RARB: variants seen among roughly 807,000 people sequenced by gnomAD.
The protein encoded by RARB is HBV-activated protein.
RARB carries 17 observed loss-of-function variants against 51.9 expected under a neutral mutation model. The ratio of observed to expected loss-of-function variants is 0.33; its 90% CI spans 0.22 to 0.49. RARB has a LOEUF of 0.49. Among genes scored for constraint, RARB ranks in the 20% least tolerant of loss-of-function variants. The probability of loss-of-function intolerance (pLI) is 0.99; values close to 1 mark genes in which losing one functional copy is unlikely to be tolerated. For missense variants in RARB, 369 were observed against 550.8 expected, an observed-to-expected ratio of 0.67 and a Z score of 3.30; for synonymous variants, 215 against 195.4, an observed-to-expected ratio of 1.10 and a Z score of -0.84.
At chr3:25,589,545 GA>G (rs1701532448) in intron 5 of RARB, among the ~76,000 whole-genome samples, 1 of 152,232 alleles carries the variant, frequency 6.6e-6, no homozygotes, top group African/African-American at 2.4e-5. Context: ...TAAGAGAGGT[GA>G]TGGCAGCTTG....
At chr3:25,571,805 T>G (rs767567469) in intron 4 of RARB, among the ~76,000 whole-genome samples, 13 of 152,138 alleles carry the variant, frequency 8.5e-5, no homozygotes, top group Non-Finnish European at 1.8e-4. Flanking sequence ...AATGAGACAA[T>G]TTATGAAAAG....
At chr3:24,909,538 T>G (rs917050768) in intron 2 of RARB, among the ~76,000 whole-genome samples, 134 of 152,022 alleles carry the variant, frequency 8.8e-4, no homozygotes, top group African/African-American at 3.2e-3. Context: ...ATCTTGGAAG[T>G]ACTTATTATT....
chr3:25,130,904 T>TATTGATAATATTATCAATATTTATC (rs1559477463), intron 3 of RARB, among the ~76,000 whole-genome samples: 1 of 38,390 alleles, frequency 2.6e-5, no homozygotes, highest in African/African-American at 1.2e-4. Flanking sequence ...ATATCAATAT[T>TATTGATAATATTATCAATATTTATC]ATTGATAATA....
chr3:25,239,487 G>A (rs1266233027), intron 5 of RARB, among the ~76,000 whole-genome samples: 1 of 152,092 alleles, frequency 6.6e-6, no homozygotes, highest in Non-Finnish European at 1.5e-5. Context: ...AATTTGATGA[G>A]AGATAGGAGT....
chr3:25,018,766 A>C (rs547527132), intron 2 of RARB, among the ~76,000 whole-genome samples: 9 of 152,308 alleles, frequency 5.9e-5, no homozygotes, highest in African/African-American at 1.7e-4. Context: ...GTTTGCTCAT[A>C]GGTAAAATTG....
chr3:24,899,973 G>A (rs891785009), intron 2 of RARB, among the ~76,000 whole-genome samples: 3 of 151,432 alleles, frequency 2.0e-5, no homozygotes, highest in Non-Finnish European at 4.4e-5. Context: ...CATTTATATT[G>A]CAAGACATTT....
At chr3:24,934,521 A>T (rs1489646132) in intron 2 of RARB, among the ~76,000 whole-genome samples, 1 of 152,142 alleles carries the variant, frequency 6.6e-6, no homozygotes, top group Non-Finnish European at 1.5e-5. Context: ...TATAAATTAT[A>T]TAAGAATAAG....
chr3:25,065,779 A>C (rs1575143655), intron 3 of RARB, among the ~76,000 whole-genome samples: 1 of 152,190 alleles, frequency 6.6e-6, no homozygotes, highest in Non-Finnish European at 1.5e-5. Context: ...AATGATGTCA[A>C]AGGGCTCACG....
chr3:25,357,273 G>A (rs1470319826), intron 5 of RARB, among the ~76,000 whole-genome samples: 1 of 152,214 alleles, frequency 6.6e-6, no homozygotes, highest in African/African-American at 2.4e-5. Context: ...CAGTGATAAT[G>A]AGCTTTCTTT....
intron 3 of RARB, among the ~76,000 whole-genome samples, chr3:25,506,840 G>T (rs1697630273): frequency 6.6e-6 from 1 of 152,198 alleles, no homozygotes; most frequent in Non-Finnish European, 1.5e-5. Context: ...GCTGCTCTGT[G>T]ATCCCATCCC....
At chr3:24,918,912 A>T (rs1411824283) in intron 2 of RARB, among the ~76,000 whole-genome samples, 3 of 152,056 alleles carry the variant, frequency 2.0e-5, no homozygotes, top group African/African-American at 2.4e-5. Flanking sequence ...TAAATTAAAT[A>T]AATAAAAAAC....
intron 3 of RARB, among the ~76,000 whole-genome samples, chr3:25,077,296 G>T (rs1192609028): frequency 1.3e-5 from 2 of 152,146 alleles, no homozygotes; most frequent in Admixed American, 1.3e-4. Flanking sequence ...TCACATGTGT[G>T]CAATGTCTGT....
intron 2 of RARB, among the ~76,000 whole-genome samples, chr3:24,873,424 C>T (rs1403002574): frequency 6.6e-6 from 1 of 151,974 alleles, no homozygotes; most frequent in Non-Finnish European, 1.5e-5. Context: ...AATCTCTATA[C>T]TTCTTATCAG....
At chr3:25,504,918 C>T (rs540090037) in intron 3 of RARB, among the ~76,000 whole-genome samples, 8 of 151,964 alleles carry the variant, frequency 5.3e-5, no homozygotes, top group Middle Eastern at 3.4e-3. Context: ...CCACCACGCC[C>T]GGCTAATTTT....
chr3:24,944,642 T>A (rs1695736694), intron 2 of RARB, among the ~76,000 whole-genome samples: 1 of 152,212 alleles, frequency 6.6e-6, no homozygotes, highest in Non-Finnish European at 1.5e-5. Flanking sequence ...AGGTGCCAAG[T>A]TGATTATCCT....
intron 5 of RARB, among the ~76,000 whole-genome samples, chr3:25,384,825 C>T (rs567088220): frequency 1.3e-5 from 2 of 152,262 alleles, no homozygotes; most frequent in East Asian, 3.9e-4. Flanking sequence ...ACCAGCTAGC[C>T]AAATTCTGTT....
chr3:25,382,492 C>T (rs775646525), intron 5 of RARB, among the ~76,000 whole-genome samples: 1 of 152,184 alleles, frequency 6.6e-6, no homozygotes, highest in Non-Finnish European at 1.5e-5. Flanking sequence ...TGAAGAGCAC[C>T]AGGTAATTCA....
intron 3 of RARB, among the ~76,000 whole-genome samples, chr3:25,509,464 ACT>A (rs1487175287): frequency 6.6e-6 from 1 of 152,114 alleles, no homozygotes; most frequent in African/African-American, 2.4e-5. Flanking sequence ...AAAAGTAGAG[ACT>A]CTATTCATTT....
intron 1 of RARB, among the ~76,000 whole-genome samples, chr3:24,832,652 A>ATATATATATATATATATATATATAT (rs1491520085): frequency 1.3e-3 from 79 of 61,020 alleles, no homozygotes; most frequent in African/African-American, 7.3e-3. Flanking sequence ...TATATATATA[A>ATATATATATATATATATATATATAT]TGTCAATTAA....
Sources: gnomAD v4.1 joint callset for allele counts (sites outside exome capture counted in the v4.1 genomes callset) on GRCh38, gnomAD v4.1.1 for gene constraint, MANE v1.5 for transcripts, NCBI Gene and HGNC (gene_info 2026-07-23, HGNC 2026-07-21) for gene names.